CTSS: variants seen among roughly 807,000 people sequenced by gnomAD.
CTSS encodes cathepsin S.
Under a neutral mutation model 39.9 loss-of-function variants are expected in CTSS, and 15 were observed. The ratio of observed to expected loss-of-function variants is 0.38; its 90% CI spans 0.25 to 0.58. The LOEUF (loss-of-function observed/expected upper bound fraction) is 0.58, where lower values mean the gene tolerates loss of function less well. CTSS is among the 20% of genes least tolerant of loss of function. CTSS has a pLI of 0.70. For synonymous variants in CTSS, 126 were observed against 138.2 expected, an observed-to-expected ratio of 0.91 and a Z score of 0.62; for missense variants, 250 against 398.2, an observed-to-expected ratio of 0.63 and a Z score of 3.17.
intron 4 of CTSS, among the ~76,000 whole-genome samples, chr1:150,752,981 G>A (rs1653038649): frequency 1.3e-5 from 2 of 151,976 alleles, no homozygotes. Context: ...AGCCCCTCAA[G>A]TAGCTGGGAC....
chr1:150,735,907 C>G (rs772771355), intron 7 of CTSS, among the ~76,000 whole-genome samples: 4 of 151,990 alleles, frequency 2.6e-5, no homozygotes, highest in Admixed American at 6.6e-5. Context: ...CAGGCGCCCA[C>G]CACCACGCCT....
intron 7 of CTSS, among the ~76,000 whole-genome samples, chr1:150,747,250 G>A (rs944182904): frequency 6.6e-6 from 1 of 152,092 alleles, no homozygotes; most frequent in Non-Finnish European, 1.5e-5. Context: ...GGAACAGTAT[G>A]GGGGAGAGAG....
chr1:150,740,936 G>T (rs1242132387), intron 7 of CTSS, among the ~76,000 whole-genome samples: 1 of 145,948 alleles, frequency 6.9e-6, no homozygotes, highest in African/African-American at 2.6e-5. Flanking sequence ...GATCCTCCCA[G>T]TTCAGCCTCC....
Position 150,737,191 on chromosome 1 carries a change from C to T in CTSS, c.897-4046G>A, listed in dbSNP as rs191399266. Among the ~76,000 whole-genome samples, 11 of 152,282 alleles carry T rather than the reference C, an allele frequency of 7.2e-5. No homozygotes were observed. In the East Asian group the frequency reaches 1.5e-3, roughly 21 times the overall value. ...AACCTCGCCTCACTGCAACCTCCAC[C>T]TCCCAGGTTCAAGTGATTCTCCTGC... On this transcript the variant is annotated intron_variant, in intron 7 of 7. Coordinates refer to ENST00000368985, the MANE Select transcript of CTSS (RefSeq NM_004079.5).
At position 150,757,749 on chromosome 1, in the gene CTSS, C is replaced by T. The variant is rs867653051; in HGVS notation, c.249+109G>A. The T allele has an allele frequency of 8.0e-6, 9 of 1,125,618 alleles. No individual in the cohort carries two copies. The Middle Eastern group carries it at 8.9e-4, about 111-fold the overall frequency. The allele number at this position is 1,125,618 out of a possible 1,614,324, so 69.7% of individuals were successfully genotyped here. A position where few individuals can be genotyped will look rare whatever the true frequency, so the allele number is the denominator to read the frequency against. On this transcript the variant is annotated intron_variant, in intron 3 of 7. Transcript: ENST00000368985. ...AATTCTACTGTTTTCCAACTTTGTACTATACATTCCTTTGTTATTGTTGTT... is the reference window on the plus strand; with the variant it reads ...AATTCTACTGTTTTCCAACTTTGTATTATACATTCCTTTGTTATTGTTGTT...
In CTSS at chr1:150,740,592, C is replaced by T. The variant is rs587724519; in HGVS notation, c.896+7185G>A. Reference sequence around the variant, plus strand: ...TATTTTTAGTAGAGACAGGGTTTCACCGTGTTAGCCAGGATGGTCTTGATC... The same window carrying T: ...TATTTTTAGTAGAGACAGGGTTTCATCGTGTTAGCCAGGATGGTCTTGATC... On this transcript the variant is annotated intron_variant, in intron 7 of 7. Transcript: ENST00000368985. Among the ~76,000 whole-genome samples the T allele has an allele frequency of 2.4e-3, 371 of 152,224 alleles. 4 individuals carry two copies. The highest frequency in any genetic ancestry group is 8.5e-3 in the African/African-American group (353 of 41,540).
chr1:150,743,289 A>G (rs1294286546), intron 7 of CTSS, among the ~76,000 whole-genome samples: 2 of 151,802 alleles, frequency 1.3e-5, no homozygotes, highest in Non-Finnish European at 2.9e-5. Context: ...CAATACATGA[A>G]CAATTCCATA....
chr1:150,754,152 C>T lies in CTSS; in HGVS notation c.399+849G>A, dbSNP rs1445129493. Among the ~76,000 whole-genome samples, 4 of 147,050 alleles carry T rather than the reference C, an allele frequency of 2.7e-5. No individual in the cohort carries two copies. In the South Asian group the frequency reaches 6.5e-4, roughly 24 times the overall value. On this transcript the variant is annotated intron_variant, in intron 4 of 7. Transcript: ENST00000368985. ...TTTTTAAGACAGGGTCTCACTCTATCGCCCAGGCTGGAGTGCAGTGGCAAG... is the reference window on the plus strand; with the variant it reads ...TTTTTAAGACAGGGTCTCACTCTATTGCCCAGGCTGGAGTGCAGTGGCAAG...
In CTSS at chr1:150,741,409, A is replaced by G. The variant is rs1023457321; in HGVS notation, c.896+6368T>C. Among the ~76,000 whole-genome samples the G allele has an allele frequency of 3.3e-5, 5 of 152,346 alleles. No individual in the cohort carries two copies. The South Asian group carries it at 1.0e-3, about 32-fold the overall frequency. On this transcript the variant is annotated intron_variant, in intron 7 of 7. Coordinates refer to ENST00000368985, the MANE Select transcript of CTSS (RefSeq NM_004079.5). ...ATAATAGTCTGAATAAATCTAATGCATGGAGTTGATTATGTCATAGTTTAT... is the reference window on the plus strand; with the variant it reads ...ATAATAGTCTGAATAAATCTAATGCGTGGAGTTGATTATGTCATAGTTTAT...
chr1:150,753,092 C>T (rs1056513124), intron 4 of CTSS, among the ~76,000 whole-genome samples: 1 of 152,036 alleles, frequency 6.6e-6, no homozygotes, highest in Non-Finnish European at 1.5e-5. Flanking sequence ...TGGGCTCAAG[C>T]GATCCTTCTG....
intron 2 of CTSS, 108 bp downstream of exon 2, chr1:150,764,522 GCCACCACA>G: frequency 7.2e-7 from 1 of 1,397,136 alleles, no homozygotes; most frequent in Non-Finnish European, 9.9e-7. Context: ...ACAGGCGCGA[GCCACCACA>G]CCCAGCTTAA....
rs1368508217 is a variant in CTSS, at chr1:150,731,616, A to T, written c.*1430T>A. 1 of 152,222 alleles carries T rather than the reference A, an allele frequency of 6.6e-6. No individual in the cohort carries two copies. The highest frequency in any genetic ancestry group is 1.5e-5 in the Non-Finnish European group (1 of 68,044). The allele number at this position is 152,222 out of a possible 1,614,324, so 9.4% of individuals were successfully genotyped here. On this transcript the variant is annotated 3_prime_UTR_variant, in exon 8 of 8. Coordinates refer to ENST00000368985, the MANE Select transcript of CTSS (RefSeq NM_004079.5). The stretch of plus-strand genomic sequence containing the variant: ...ATCCCACACATTGTTCATGTCATAG[A>T]CATGAACTTAAAAAATTTAAAGTTC...
rs1652552993 is a variant in CTSS, at chr1:150,732,852, T to G, written c.*194A>C. On this transcript the variant is annotated 3_prime_UTR_variant, in exon 8 of 8. Transcript: ENST00000368985. ...TTTAACTCCTGGCCTCAAGTTGATATGCCTGCCTTGGCCTCCCAAGTACTG... is the reference window on the plus strand; with the variant it reads ...TTTAACTCCTGGCCTCAAGTTGATAGGCCTGCCTTGGCCTCCCAAGTACTG... 2.5e-6 allele frequency: 1 copy of G among 397,294 alleles called. No homozygotes were observed. The highest frequency in any genetic ancestry group is 4.8e-5 in the East Asian group (1 of 20,962). 24.6% of individuals were successfully genotyped at this position (397,294 alleles called of 1,614,324 possible). A position where few individuals can be genotyped will look rare whatever the true frequency, so the allele number is the denominator to read the frequency against.
In CTSS at chr1:150,747,764, G is replaced by T; in HGVS notation, c.896+13C>A. ...TCCTGATTCCAATTAAATATAAAGT[G>T]TAAATATATTACCTGTTTTTCACAA... On this transcript the variant is annotated intron_variant, in intron 7 of 7. Coordinates refer to ENST00000368985, the MANE Select transcript of CTSS (RefSeq NM_004079.5). 1 of 1,541,078 alleles carries T rather than the reference G, an allele frequency of 6.5e-7. No individual in the cohort carries two copies. Among genetic ancestry groups the T allele is most frequent in the Non-Finnish European group, 9.0e-7 (1 of 1,115,158 alleles).
At chr1:150,747,219 G>C (rs587667420) in intron 7 of CTSS, among the ~76,000 whole-genome samples, 18 of 152,166 alleles carry the variant, frequency 1.2e-4, no homozygotes, top group African/African-American at 4.3e-4. Flanking sequence ...GCCCTTTACT[G>C]ATATGGGAAA....
chr1:150,762,316 A>T (rs587771284), intron 2 of CTSS, among the ~76,000 whole-genome samples: 2 of 152,210 alleles, frequency 1.3e-5, no homozygotes, highest in Non-Finnish European at 2.9e-5. Context: ...CTGAAACTAT[A>T]TACAACCACT....
chr1:150,731,369 CAG>C lies in CTSS; in HGVS notation c.*1675_*1676del, dbSNP rs1652518770. 1 of 152,336 alleles carries C rather than the reference CAG, an allele frequency of 6.6e-6. No individual in the cohort carries two copies. Among genetic ancestry groups the C allele is most frequent in the Admixed American group, 6.5e-5 (1 of 15,298 alleles). The allele number at this position is 152,336 out of a possible 1,614,324, so 9.4% of individuals were successfully genotyped here. A position where few individuals can be genotyped will look rare whatever the true frequency, so the allele number is the denominator to read the frequency against. ...TGCCACTGCACTCCAGCCTGGGCAACAGAGTGAGACTCCGTCTCAAAAAACAA... is the reference window on the plus strand; with the variant it reads ...TGCCACTGCACTCCAGCCTGGGCAACAGTGAGACTCCGTCTCAAAAAACAA... On this transcript the variant is annotated 3_prime_UTR_variant, in exon 8 of 8. Transcript: ENST00000368985.
At chr1:150,758,398 G>C (rs1003023104) in intron 2 of CTSS, among the ~76,000 whole-genome samples, 1 of 151,950 alleles carries the variant, frequency 6.6e-6, no homozygotes, top group Non-Finnish European at 1.5e-5. Flanking sequence ...CTGCCCGAGA[G>C]CATGCAAATA....
intron 2 of CTSS, among the ~76,000 whole-genome samples, chr1:150,762,380 G>T (rs1653285100): frequency 6.6e-6 from 1 of 152,086 alleles, no homozygotes; most frequent in African/African-American, 2.4e-5. Context: ...ACGGTTTTTT[G>T]AATATGACCC....
Sources: gnomAD v4.1 joint callset for allele counts (sites outside exome capture counted in the v4.1 genomes callset) on GRCh38, gnomAD v4.1.1 for gene constraint, MANE v1.5 for transcripts, NCBI Gene and HGNC (gene_info 2026-07-23, HGNC 2026-07-21) for gene names.